ADCY2: variants seen among roughly 807,000 people sequenced by gnomAD.
The protein encoded by ADCY2 is adenylate cyclase 2.
ADCY2 carries 31 observed loss-of-function variants against 125.2 expected under a neutral mutation model. That is an observed-to-expected ratio of 0.25 (90% confidence interval 0.19 to 0.33). The LOEUF (loss-of-function observed/expected upper bound fraction) is 0.33. Ranked by LOEUF, ADCY2 falls within the 10% of genes least tolerant of loss-of-function variation. The pLI, the probability that ADCY2 is intolerant of heterozygous loss-of-function variation, is 1.00. For missense variants in ADCY2, 904 were observed against 1,418.2 expected, an observed-to-expected ratio of 0.64 and a Z score of 5.82; for synonymous variants, 512 against 548.4, an observed-to-expected ratio of 0.93 and a Z score of 0.93.
intron 2 of ADCY2, among the ~76,000 whole-genome samples, chr5:7,489,895 TGG>T (rs1276401349): frequency 5.3e-5 from 8 of 152,256 alleles, no homozygotes; most frequent in African/African-American, 1.9e-4. Context: ...TGACTTAAGA[TGG>T]GGTGACTGAT....
At chr5:7,776,695 C>T (rs1743739311) in intron 18 of ADCY2, among the ~76,000 whole-genome samples, 2 of 152,176 alleles carry the variant, frequency 1.3e-5, no homozygotes, top group Admixed American at 1.3e-4. Context: ...GACCCACCCT[C>T]AGTGTGATGG....
intron 22 of ADCY2, among the ~76,000 whole-genome samples, chr5:7,805,858 C>T (rs1285933346): frequency 6.6e-6 from 1 of 152,218 alleles, no homozygotes; most frequent in Non-Finnish European, 1.5e-5. Flanking sequence ...GGAACCCTAG[C>T]ATTCTTCCAG....
intron 1 of ADCY2, among the ~76,000 whole-genome samples, chr5:7,400,340 T>C (rs966446172): frequency 3.9e-5 from 6 of 152,214 alleles, no homozygotes; most frequent in African/African-American, 1.4e-4. Context: ...GTTTCTTTTA[T>C]GGTGATGTAA....
At chr5:7,675,919 C>A (rs755934300) in intron 4 of ADCY2, among the ~76,000 whole-genome samples, 1 of 152,116 alleles carries the variant, frequency 6.6e-6, no homozygotes, top group Non-Finnish European at 1.5e-5. Context: ...TTAAGACTAG[C>A]GAGTGTATAG....
intron 2 of ADCY2, 44 bp downstream of exon 2, chr5:7,414,814 T>C: frequency 6.5e-7 from 1 of 1,534,904 alleles, no homozygotes; most frequent in Non-Finnish European, 8.8e-7. Context: ...ATGTCTTGAT[T>C]TGTGACATAC....
intron 3 of ADCY2, among the ~76,000 whole-genome samples, chr5:7,610,094 A>C (rs1737526958): frequency 6.6e-6 from 1 of 152,154 alleles, no homozygotes; most frequent in African/African-American, 2.4e-5. Flanking sequence ...AAACATATTA[A>C]ATTGGAGAGG....
At chr5:7,776,113 A>G (rs1461141866) in intron 18 of ADCY2, among the ~76,000 whole-genome samples, 1 of 151,836 alleles carries the variant, frequency 6.6e-6, no homozygotes, top group Non-Finnish European at 1.5e-5. Flanking sequence ...TTCCCCATCA[A>G]ATAATTGAAA....
At chr5:7,482,094 G>GGGA (rs1355215352) in intron 2 of ADCY2, among the ~76,000 whole-genome samples, 7 of 152,090 alleles carry the variant, frequency 4.6e-5, no homozygotes, top group Admixed American at 2.6e-4. Context: ...CTCAGAAATG[G>GGGA]TATAAGATTT....
At chr5:7,804,962 T>C (rs1172505635) in intron 22 of ADCY2, among the ~76,000 whole-genome samples, 5 of 152,016 alleles carry the variant, frequency 3.3e-5, no homozygotes, top group Non-Finnish European at 7.4e-5. Context: ...AAGTAGAAGA[T>C]GAAAGCTAGT....
At chr5:7,774,768 C>T (rs1046087986) in intron 18 of ADCY2, among the ~76,000 whole-genome samples, 2 of 152,198 alleles carry the variant, frequency 1.3e-5, no homozygotes, top group East Asian at 1.9e-4. Context: ...TGAGAAGCCT[C>T]GGCGACTTGC....
rs373312201 is a variant in ADCY2, at chr5:7,683,366, A to G, written c.721-7325A>G. On this transcript the variant is annotated intron_variant, in intron 4 of 24. Transcript: ENST00000338316. ...CATAGGTTGGTGTGCACATACTTGC[A>G]TGAATTTGCATCTGTCGCAATAGCT... 2.6e-5 allele frequency among the ~76,000 whole-genome samples: 4 copies of G among 152,368 alleles called. No individual in the cohort carries two copies. In the East Asian group the frequency reaches 7.7e-4, roughly 29 times the overall value.
At chr5:7,620,335 T>C (rs1270531674) in intron 3 of ADCY2, among the ~76,000 whole-genome samples, 1 of 152,234 alleles carries the variant, frequency 6.6e-6, no homozygotes, top group Non-Finnish European at 1.5e-5. Flanking sequence ...TTCCAGTCTT[T>C]TAGCCCAAAG....
chr5:7,426,444 C>T (rs1319354191), intron 2 of ADCY2, among the ~76,000 whole-genome samples: 3 of 152,178 alleles, frequency 2.0e-5, no homozygotes, highest in African/African-American at 7.2e-5. Flanking sequence ...AGTCTTGTTG[C>T]TGTGTCCTCA....
intron 3 of ADCY2, among the ~76,000 whole-genome samples, chr5:7,581,272 AGG>A (rs1736417058): frequency 1.3e-5 from 2 of 152,188 alleles, no homozygotes; most frequent in Non-Finnish European, 1.5e-5. Flanking sequence ...AATACATGAC[AGG>A]GATAGTATAT....
chr5:7,770,067 A>G (rs1351872671), intron 17 of ADCY2, among the ~76,000 whole-genome samples: 1 of 152,176 alleles, frequency 6.6e-6, no homozygotes, highest in Non-Finnish European at 1.5e-5. Context: ...CAGGTTCCCA[A>G]CCTACCTTTT....
In ADCY2 at chr5:7,467,794, C is replaced by T. The variant is rs567357798; in HGVS notation, c.409-52944C>T. Among the ~76,000 whole-genome samples the T allele has an allele frequency of 3.3e-5, 5 of 152,274 alleles. No homozygotes were observed. In the East Asian group the frequency reaches 9.6e-4, roughly 29 times the overall value. On this transcript the variant is annotated intron_variant, in intron 2 of 24. Transcript: ENST00000338316. ...TAAATCATTGCTGCATGGATATTTC[C>T]TTAATGATGTTTTCTAATGCATATT...
At chr5:7,488,203 G>T (rs1383059412) in intron 2 of ADCY2, among the ~76,000 whole-genome samples, 1 of 152,038 alleles carries the variant, frequency 6.6e-6, no homozygotes, top group Non-Finnish European at 1.5e-5. Flanking sequence ...AATCTCATGG[G>T]ATCTGATGGT....
chr5:7,724,681 G>A (rs568327462), intron 13 of ADCY2, 67 bp downstream of exon 13: 1 of 1,203,226 alleles, frequency 8.3e-7, no homozygotes, highest in Non-Finnish European at 1.2e-6. Flanking sequence ...TCATGAAATT[G>A]TGCTCATGTT....
chr5:7,532,261 T>C (rs1180566726), intron 3 of ADCY2, among the ~76,000 whole-genome samples: 1 of 152,198 alleles, frequency 6.6e-6, no homozygotes. Context: ...ACAGGTGATA[T>C]GTTCACATTA....
Sources: allele counts gnomAD v4.1 joint callset (sites outside exome capture counted in the v4.1 genomes callset), GRCh38; gene constraint gnomAD v4.1.1; transcripts MANE v1.5; gene names NCBI Gene and HGNC (gene_info 2026-07-23, HGNC 2026-07-21).